The following CLMP variants were observed in gnomAD, a reference collection of about 807,000 sequenced individuals.
CLMP encodes CXADR-like membrane protein.
CLMP carries 27 observed loss-of-function variants against 45.2 expected under a neutral mutation model. The observed-to-expected ratio is 0.60, with a 90% CI of 0.44 to 0.82. CLMP has a LOEUF of 0.82. Ranked by LOEUF, CLMP falls within the 40% of genes least tolerant of loss-of-function variation. The probability of loss-of-function intolerance (pLI) is 0.00; values close to 1 mark genes in which losing one functional copy is unlikely to be tolerated. For missense variants in CLMP, 403 were observed against 448.4 expected (o/e 0.90, Z 0.91); for synonymous variants, 167 against 171.4 (o/e 0.97, Z 0.20).
At chr11:123,109,796 A>G (rs1860613603) in intron 1 of CLMP, among the ~76,000 whole-genome samples, 1 of 152,210 alleles carries the variant, frequency 6.6e-6, no homozygotes, top group Admixed American at 6.5e-5. Context: ...TGTTCCAAAC[A>G]CCGAGTAACA....
At chr11:123,182,903 C>A (rs1176157585) in intron 1 of CLMP, among the ~76,000 whole-genome samples, 1 of 152,234 alleles carries the variant, frequency 6.6e-6, no homozygotes, top group Non-Finnish European at 1.5e-5. Context: ...TAACTCCTTT[C>A]TTCCTCAGTT....
Position 123,083,105 on chromosome 11 carries a change from A to G in CLMP, c.659T>C (p.Val220Ala), listed in dbSNP as rs373001493. The change falls in exon 5 of 7, where the codon GTG (valine) becomes GCG (alanine). Residue 220 changes from valine (V) to alanine (A), a missense_variant. By Grantham distance (64) the Val-to-Ala change is moderately conservative. Coordinates refer to ENST00000448775, the MANE Select transcript of CLMP (RefSeq NM_024769.5). ...CTTACACTGTACAGTTACTCGCACC[A>G]CACAGCTTTCCTTCCCAGCTTCGTT... is the stretch of plus-strand genomic sequence containing the variant. ...AGNEAGKESCVVRVTVQYVQS... is the reference protein window; with the variant it reads ...AGNEAGKESCAVRVTVQYVQS... The G allele has an allele frequency of 1.8e-5, 29 of 1,614,110 alleles. No homozygotes were observed. Among genetic ancestry groups the G allele is most frequent in the Non-Finnish European group, 2.3e-5 (27 of 1,180,048 alleles).
At chr11:123,168,652 A>C (rs1861591301) in intron 1 of CLMP, among the ~76,000 whole-genome samples, 1 of 152,086 alleles carries the variant, frequency 6.6e-6, no homozygotes, top group Admixed American at 6.5e-5. Flanking sequence ...TCCTCCAAGA[A>C]GTCCTCTGCA....
chr11:123,075,680 C>T (rs180818493), intron 5 of CLMP, among the ~76,000 whole-genome samples: 1 of 152,162 alleles, frequency 6.6e-6, no homozygotes, highest in Non-Finnish European at 1.5e-5. Context: ...AGCCACCGCG[C>T]GCAACCAAGT....
In CLMP at chr11:123,102,865, C is replaced by A. The variant is rs139998251; in HGVS notation, c.29-4913G>T. 1.1e-4 allele frequency among the ~76,000 whole-genome samples: 17 copies of A among 152,038 alleles called. No homozygotes were observed. The East Asian group carries it at 3.3e-3, about 29-fold the overall frequency. On this transcript the variant is annotated intron_variant, in intron 1 of 6. Transcript: ENST00000448775. ...AGCTACCACGCCCAGCCTCCTCCTG[C>A]CCAATTTTATGTGGCTTCCAGGATG...
chr11:123,174,610 G>A (rs1359642432), intron 1 of CLMP, among the ~76,000 whole-genome samples: 1 of 152,126 alleles, frequency 6.6e-6, no homozygotes, highest in African/African-American at 2.4e-5. Flanking sequence ...GATGTGTCTG[G>A]TCTCTGGGGA....
chr11:123,146,076 AGATGGG>A (rs901734884), intron 1 of CLMP, among the ~76,000 whole-genome samples: 2 of 152,218 alleles, frequency 1.3e-5, no homozygotes, highest in African/African-American at 4.8e-5. Context: ...CCTATTTTAT[AGATGGG>A]GATGTTCAGG....
chr11:123,075,380 TTTTGTTTGTTTG>T (rs149732146), intron 5 of CLMP, among the ~76,000 whole-genome samples: 1 of 151,638 alleles, frequency 6.6e-6, no homozygotes, highest in African/African-American at 2.4e-5. Flanking sequence ...TGGCCAGGGT[TTTTGTTTGTTTG>T]TTTGTTTGTT....
chr11:123,166,633 A>C (rs756361174), intron 1 of CLMP, among the ~76,000 whole-genome samples: 2 of 152,202 alleles, frequency 1.3e-5, no homozygotes, highest in African/African-American at 4.8e-5. Context: ...GGTCTTCCTG[A>C]CTTTCAGAAA....
In CLMP at chr11:123,085,016, T is replaced by C. The variant is rs1865846553; in HGVS notation, c.187-303A>G. Among the ~76,000 whole-genome samples, 2 of 152,170 alleles carry C rather than the reference T, an allele frequency of 1.3e-5. 1 individual carries two copies. The highest frequency in any genetic ancestry group is 1.3e-4 in the Admixed American group (2 of 15,276). On this transcript the variant is annotated intron_variant, in intron 2 of 6. Coordinates refer to ENST00000448775, the MANE Select transcript of CLMP (RefSeq NM_024769.5). ...TAAGGAATTTGAAGTTTGACTTACA[T>C]ACTGAAGTTCACACAGCTAAGTCAA...
chr11:123,088,646 A>T (rs769925085), intron 2 of CLMP, among the ~76,000 whole-genome samples: 1 of 151,902 alleles, frequency 6.6e-6, no homozygotes, highest in Non-Finnish European at 1.5e-5. Flanking sequence ...TATTTTTGAG[A>T]TGGAGTTTCA....
chr11:123,108,051 G>A (rs567028941), intron 1 of CLMP, among the ~76,000 whole-genome samples: 17 of 152,224 alleles, frequency 1.1e-4, no homozygotes, highest in African/African-American at 4.1e-4. Context: ...CAGAGGGAGG[G>A]AAAAGAATTC....
rs985471096 is a variant in CLMP at position 123,189,176 on chromosome 11, G to A, written c.28+5737C>T. Among the ~76,000 whole-genome samples, 4 of 152,318 alleles carry A rather than the reference G, an allele frequency of 2.6e-5. No homozygotes were observed. The South Asian group carries it at 8.3e-4, about 32-fold the overall frequency. Reference sequence around the variant, plus strand: ...TGGAATGGAGTGGGGGAAGGGGATGGGTAATAAATGTTTAGCAGAACTTTC... The same window carrying A: ...TGGAATGGAGTGGGGGAAGGGGATGAGTAATAAATGTTTAGCAGAACTTTC... On this transcript the variant is annotated intron_variant, in intron 1 of 6. Transcript: ENST00000448775.
chr11:123,150,468 AAAGAAAGAAAGAAAGGAAGGAAGG>A (rs1861303677), intron 1 of CLMP, among the ~76,000 whole-genome samples: 1 of 100,738 alleles, frequency 9.9e-6, no homozygotes, highest in African/African-American at 3.8e-5. Context: ...AGAAAGAAAG[AAAGAAAGAAAGAAAGGAAGGAAGG>A]AAGGAAGGAA....
chr11:123,168,497 G>T lies in CLMP; in HGVS notation c.28+26416C>A, dbSNP rs1410691115. Among the ~76,000 whole-genome samples, 4 of 152,212 alleles carry T rather than the reference G, an allele frequency of 2.6e-5. No individual in the cohort carries two copies. In the East Asian group the frequency reaches 5.8e-4, roughly 22 times the overall value. ...GGAATGAGGCAGGGATATTCACGGG[G>T]AATGAGGAAGCCTTGGGGCTGCTTT... On this transcript the variant is annotated intron_variant, in intron 1 of 6. Coordinates refer to ENST00000448775, the MANE Select transcript of CLMP (RefSeq NM_024769.5).
At chr11:123,123,606 C>A (rs150788139) in intron 1 of CLMP, among the ~76,000 whole-genome samples, 1 of 151,990 alleles carries the variant, frequency 6.6e-6, no homozygotes, top group African/African-American at 2.4e-5. Flanking sequence ...TGAGGAAGTG[C>A]GGCGTACACA....
chr11:123,100,851 C>A (rs1052843751), intron 1 of CLMP, among the ~76,000 whole-genome samples: 1 of 151,830 alleles, frequency 6.6e-6, no homozygotes, highest in South Asian at 2.1e-4. Flanking sequence ...GCTTGGCATC[C>A]TCCCCAAAAC....
chr11:123,193,153 C>G (rs1485811939), intron 1 of CLMP: 2 of 152,258 alleles, frequency 1.3e-5, no homozygotes. Flanking sequence ...CTTTAGCAAG[C>G]TTTCTCTGGA....
intron 1 of CLMP, among the ~76,000 whole-genome samples, chr11:123,181,789 G>A (rs1861773696): frequency 6.6e-6 from 1 of 152,194 alleles, no homozygotes; most frequent in Admixed American, 6.5e-5. Context: ...ACCCCATTCT[G>A]AGAAAAGTGA....
Sources: allele counts gnomAD v4.1 joint callset (sites outside exome capture counted in the v4.1 genomes callset), GRCh38; gene constraint gnomAD v4.1.1; transcripts MANE v1.5; gene names NCBI Gene and HGNC (gene_info 2026-07-23, HGNC 2026-07-21).